Variants in TXLNB observed in about 807,000 individuals in gnomAD.
TXLNB encodes beta-taxilin.
TXLNB carries 37 observed loss-of-function variants against 57.4 expected under a neutral mutation model. The ratio of observed to expected loss-of-function variants is 0.64; its 90% CI spans 0.50 to 0.85. The LOEUF is 0.85. TXLNB is among the 40% of genes least tolerant of loss of function. The pLI, the probability that TXLNB is intolerant of heterozygous loss-of-function variation, is 0.00. For synonymous variants in TXLNB, 302 were observed against 309.6 expected, an observed-to-expected ratio of 0.98 and a Z score of 0.26; for missense variants, 848 against 825.6, an observed-to-expected ratio of 1.03 and a Z score of -0.33.
chr6:139,186,366 AAC>A, the TXLNB span, among the ~76,000 whole-genome samples: 1 of 152,240 alleles, frequency 6.6e-6, no homozygotes, highest in Non-Finnish European at 1.5e-5. Flanking sequence ...CATTTGAACA[AAC>A]ACGTTAACAG....
Position 139,288,878 on chromosome 6 carries a change from G to A in TXLNB, c.22C>T (p.Gln8Ter), listed in dbSNP as rs768806047. The A allele has an allele frequency of 3.1e-6, 5 of 1,613,102 alleles. No homozygotes were observed. Among genetic ancestry groups the A allele is most frequent in the Non-Finnish European group, 2.5e-6 (3 of 1,179,232 alleles). The change falls in exon 2 of 10, where the codon CAG (glutamine) becomes TAG (stop). Residue 8 changes from glutamine to a stop codon, truncating the protein, a stop_gained. Coordinates refer to ENST00000358430, the MANE Select transcript of TXLNB (RefSeq NM_153235.4). LOFTEE classifies it high-confidence loss of function. The stretch of plus-strand genomic sequence containing the variant: ...GTTGACTGTCGTTCCGCTGAGAGCT[G>A]TTCAGAGTGATTAGCCTCCATCTTG... MEANHSEQLSAERQSTPP... is the reference protein window; with the variant it reads MEANHSE
At chr6:139,262,893 A>G in intron 4 of TXLNB, 120 bp from the exon 5 acceptor site, 1 of 984,922 alleles carries the variant, frequency 1.0e-6, no homozygotes, top group Non-Finnish European at 1.5e-6. Context: ...TCAGTTCTCT[A>G]GAGCTAAAGC....
At chr6:139,236,196 A>G (rs1775834554), downstream of TXLNB, among the ~76,000 whole-genome samples, 1 of 152,170 alleles carries the variant, frequency 6.6e-6, no homozygotes, top group African/African-American at 2.4e-5. Flanking sequence ...TGTCCTTGTG[A>G]TAAGTCAGAG....
At chr6:139,256,987 T>C (rs1239512185) in intron 6 of TXLNB, among the ~76,000 whole-genome samples, 1 of 152,166 alleles carries the variant, frequency 6.6e-6, no homozygotes, top group East Asian at 1.9e-4. Flanking sequence ...GGAAAGGGGA[T>C]TTGGGCATAC....
chr6:139,202,160 AG>A, the TXLNB span, among the ~76,000 whole-genome samples: 1 of 152,238 alleles, frequency 6.6e-6, no homozygotes, highest in Non-Finnish European at 1.5e-5. Context: ...TAACTGGCAT[AG>A]ATCATATCCA....
At chr6:139,302,198 A>G in the TXLNB span, among the ~76,000 whole-genome samples, 1 of 152,126 alleles carries the variant, frequency 6.6e-6, no homozygotes, top group Non-Finnish European at 1.5e-5. Context: ...GTTTTTAAAA[A>G]TATGTTTTAA....
At chr6:139,321,421 A>T in the TXLNB span, among the ~76,000 whole-genome samples, 1 of 152,062 alleles carries the variant, frequency 6.6e-6, no homozygotes, top group African/African-American at 2.4e-5. Context: ...GAATCTGCTG[A>T]TGTCTTGATC....
the TXLNB span, among the ~76,000 whole-genome samples, chr6:139,318,765 T>C: frequency 6.6e-6 from 1 of 152,166 alleles, no homozygotes; most frequent in Non-Finnish European, 1.5e-5. Flanking sequence ...AGACAAAATA[T>C]GAGTGTATTT....
intron 4 of TXLNB, among the ~76,000 whole-genome samples, chr6:139,269,359 CA>C (rs1314880218): frequency 1.3e-5 from 2 of 152,324 alleles, no homozygotes; most frequent in East Asian, 3.9e-4. Flanking sequence ...CGCAGGCACA[CA>C]AGAGATTTAT....
At chr6:139,160,472 C>G in the TXLNB span, among the ~76,000 whole-genome samples, 7 of 152,206 alleles carry the variant, frequency 4.6e-5, no homozygotes, top group South Asian at 1.0e-3. Context: ...CAAGGTTTCA[C>G]TCATTGCCGA....
the TXLNB span, among the ~76,000 whole-genome samples, chr6:139,210,409 AC>A: frequency 6.6e-6 from 1 of 152,330 alleles, no homozygotes; most frequent in South Asian, 2.1e-4. Flanking sequence ...ACACATGCAC[AC>A]ACATGTTTAC....
At chr6:139,283,465 A>G (rs903161509) in intron 2 of TXLNB, among the ~76,000 whole-genome samples, 1 of 143,620 alleles carries the variant, frequency 7.0e-6, no homozygotes, top group Non-Finnish European at 1.5e-5. Flanking sequence ...AATCCCAGCT[A>G]CTTGGGAGGC....
At chr6:139,233,040 TATA>T in the TXLNB span, among the ~76,000 whole-genome samples, 2 of 152,152 alleles carry the variant, frequency 1.3e-5, no homozygotes, top group African/African-American at 4.8e-5. Flanking sequence ...CTATAAATAA[TATA>T]ATATGCTTCC....
chr6:139,314,568 T>C, the TXLNB span, among the ~76,000 whole-genome samples: 2 of 152,200 alleles, frequency 1.3e-5, no homozygotes, highest in African/African-American at 4.8e-5. Context: ...TCCAACCACC[T>C]TGACCACACG....
chr6:139,288,306 C>T (rs2114640316), intron 2 of TXLNB, among the ~76,000 whole-genome samples, 170 bp downstream of exon 2: 2 of 152,280 alleles, frequency 1.3e-5, no homozygotes, highest in Middle Eastern at 3.4e-3. Flanking sequence ...AAAAGTTCAC[C>T]TGAGCTCCAT....
chr6:139,243,711 C>G (rs1417111226), intron 9 of TXLNB, among the ~76,000 whole-genome samples: 2 of 152,084 alleles, frequency 1.3e-5, no homozygotes, highest in Non-Finnish European at 2.9e-5. Flanking sequence ...TTCAGCAATG[C>G]CTTCCTTATC....
the TXLNB span, among the ~76,000 whole-genome samples, chr6:139,312,680 T>TC: frequency 0.48 from 73,021 of 151,936 alleles, 18,022 homozygotes; most frequent in African/African-American, 0.59. Flanking sequence ...AAAACATCCC[T>TC]TGGATAAGGA....
chr6:139,167,387 A>G, the TXLNB span: 3 of 1,310,620 alleles, frequency 2.3e-6, no homozygotes, highest in Non-Finnish European at 3.2e-6. Flanking sequence ...CAAACAAGAC[A>G]GATTGCTCTA....
the TXLNB span, among the ~76,000 whole-genome samples, chr6:139,191,472 C>T: frequency 5.9e-5 from 9 of 152,174 alleles, no homozygotes; most frequent in Admixed American, 5.9e-4. Flanking sequence ...AACGATATTT[C>T]AAGTTCTCCG....
Sources: allele counts gnomAD v4.1 joint callset (sites outside exome capture counted in the v4.1 genomes callset), GRCh38; gene constraint gnomAD v4.1.1; transcripts MANE v1.5; gene names NCBI Gene and HGNC (gene_info 2026-07-23, HGNC 2026-07-21).